The following GCNT2 variants were observed in gnomAD, a reference collection of about 807,000 sequenced individuals.
GCNT2 encodes N-acetyllactosaminide beta-1,6-N-acetylglucosaminyl-transferase.
Under a neutral mutation model 34.2 loss-of-function variants are expected in GCNT2, and 34 were observed. The ratio of observed to expected loss-of-function variants is 1.00; its 90% CI spans 0.76 to 1.32. The LOEUF (loss-of-function observed/expected upper bound fraction) is 1.32. GCNT2 is among the 40% of genes most tolerant of loss of function. The probability of loss-of-function intolerance (pLI) is 0.00; values close to 1 mark genes in which losing one functional copy is unlikely to be tolerated. For missense variants in GCNT2, 584 were observed against 489.4 expected (o/e 1.19, Z -1.82); for synonymous variants, 212 against 188.0 (o/e 1.13, Z -1.04).
Position 10,529,703 on chromosome 6 carries a change from G to C in GCNT2, c.792G>C (p.Thr264=). Residue 264 remains threonine, a synonymous_variant, in exon 3 of 5, where the codon ACG becomes ACC. Transcript: ENST00000495262. ...PPHDMVIYFG[T]AYVALTRDFA... The stretch of plus-strand genomic sequence containing the variant: ...ATGACATGGTGATTTACTTTGGCAC[G>C]GCCTACGTGGCTCTCACAAGGGACT... 2 of 1,613,902 alleles carry C rather than the reference G, an allele frequency of 1.2e-6. No homozygotes were observed. Among genetic ancestry groups the C allele is most frequent in the Non-Finnish European group, 1.7e-6 (2 of 1,179,962 alleles).
chr6:10,574,279 C>T (rs574734835), intron 3 of GCNT2, among the ~76,000 whole-genome samples: 3 of 152,258 alleles, frequency 2.0e-5, no homozygotes, highest in South Asian at 4.2e-4. Context: ...AAACCAGTTT[C>T]GGTGGGCATC....
intron 3 of GCNT2, among the ~76,000 whole-genome samples, chr6:10,615,548 A>G (rs1006818674): frequency 5.3e-5 from 8 of 152,238 alleles, no homozygotes; most frequent in Admixed American, 1.3e-4. Context: ...TCCTGGATTC[A>G]AGAGATCTAC....
intron 3 of GCNT2, among the ~76,000 whole-genome samples, chr6:10,552,486 T>C (rs1422537170): frequency 1.3e-5 from 2 of 151,732 alleles, no homozygotes; most frequent in Non-Finnish European, 2.9e-5. Flanking sequence ...ACTGAATATG[T>C]ACAGGCTTTT....
At position 10,529,831 on chromosome 6, in the gene GCNT2, T is replaced by A. The variant is rs1761395799; in HGVS notation, c.920T>A (p.Ile307Asn). ...DEHFWVTLNRIPGVPGSMPNA... is the reference protein window; with the variant it reads ...DEHFWVTLNRNPGVPGSMPNA... ...CATTTCTGGGTGACACTCAACAGGA[T>A]TCCCGGTATGTACGTCTCTTAACTT... The change falls in exon 3 of 5, where the codon ATT (isoleucine) becomes AAT (asparagine). Residue 307 changes from isoleucine to asparagine, a missense_variant. Ile to Asn is a moderately radical substitution (Grantham distance 149). Coordinates refer to ENST00000495262, the MANE Select transcript of GCNT2 (RefSeq NM_145649.5). 3 of 1,611,552 alleles carry A rather than the reference T, an allele frequency of 1.9e-6. No homozygotes were observed. The South Asian group carries it at 3.3e-5, about 18-fold the overall frequency.
At chr6:10,545,751 CA>C (rs1762238913) in intron 3 of GCNT2, among the ~76,000 whole-genome samples, 1 of 152,116 alleles carries the variant, frequency 6.6e-6, no homozygotes. Flanking sequence ...GTGAATCAGG[CA>C]AAAGCCAGCA....
intron 3 of GCNT2, among the ~76,000 whole-genome samples, chr6:10,561,232 G>A (rs193153426): frequency 1.6e-3 from 237 of 152,106 alleles, no homozygotes; most frequent in Admixed American, 8.8e-3. Context: ...GCACGATCTT[G>A]GCTCACCGCA....
chr6:10,601,945 A>G (rs1581469882), intron 3 of GCNT2, among the ~76,000 whole-genome samples: 1 of 16,144 alleles, frequency 6.2e-5, no homozygotes, highest in Non-Finnish European at 1.3e-4. Context: ...CATCTCAAGA[A>G]AAAAAAAAAA....
In GCNT2 at chr6:10,605,208, A is replaced by ATTTTTTTTT. The variant is rs869167781; in HGVS notation, c.926-16126_926-16118dup. ...AACCACATATTGCTTTCATGTAGGA[A>ATTTTTTTTT]TTTTTTTTTTTTTTTTTTTTTTTTT... On this transcript the variant is annotated intron_variant, in intron 3 of 4. Transcript: ENST00000495262. Among the ~76,000 whole-genome samples the ATTTTTTTTT allele has an allele frequency of 6.4e-5, 6 of 94,202 alleles. 1 individual carries two copies. The highest frequency in any genetic ancestry group is 2.7e-4 in the African/African-American group (6 of 22,556). 61.8% of individuals were successfully genotyped at this position (94,202 alleles called of 152,430 possible).
chr6:10,566,023 C>T (rs1298943702), intron 3 of GCNT2, among the ~76,000 whole-genome samples: 1 of 152,170 alleles, frequency 6.6e-6, no homozygotes, highest in African/African-American at 2.4e-5. Flanking sequence ...ATCTGGCCCC[C>T]TTGGCCTTTC....
chr6:10,587,759 A>G (rs1170419550), intron 3 of GCNT2, among the ~76,000 whole-genome samples: 1 of 152,176 alleles, frequency 6.6e-6, no homozygotes. Flanking sequence ...TCTGTTTCCC[A>G]TAGGTGGTCT....
At chr6:10,559,220 C>T (rs1226963399) in intron 3 of GCNT2, among the ~76,000 whole-genome samples, 5 of 151,810 alleles carry the variant, frequency 3.3e-5, no homozygotes, top group Admixed American at 2.6e-4. Flanking sequence ...TTTTTCCTTA[C>T]CCCTTTCTGA....
rs532224382 is a variant in GCNT2 at position 10,582,388 on chromosome 6, T to A, written c.926-38963T>A. On this transcript the variant is annotated intron_variant, in intron 3 of 4. Transcript: ENST00000495262. ...AATATATACTATAATTTAATATTTA[T>A]TATATACTATAATAAATAGTATAAT... Among the ~76,000 whole-genome samples the A allele has an allele frequency of 2.4e-4, 29 of 120,394 alleles. 1 individual carries two copies. The highest frequency in any genetic ancestry group is 1.0e-3 in the African/African-American group (29 of 28,698). 79.0% of individuals were successfully genotyped at this position (120,394 alleles called of 152,430 possible). A position where few individuals can be genotyped will look rare whatever the true frequency, so the allele number is the denominator to read the frequency against.
intron 3 of GCNT2, among the ~76,000 whole-genome samples, chr6:10,550,571 G>A (rs553264819): frequency 3.0e-4 from 45 of 152,162 alleles, no homozygotes; most frequent in Non-Finnish European, 4.4e-4. Flanking sequence ...GCTTACCGCA[G>A]CCTTAACCTG....
intron 3 of GCNT2, among the ~76,000 whole-genome samples, chr6:10,567,155 C>CA (rs1561805516): frequency 2.2e-4 from 34 of 151,992 alleles, no homozygotes. Context: ...CACATCTCAA[C>CA]AAAAAAATAA....
chr6:10,603,497 G>GTTT, intron 3 of GCNT2, among the ~76,000 whole-genome samples: 1 of 152,284 alleles, frequency 6.6e-6, no homozygotes, highest in South Asian at 2.1e-4. Context: ...AGACAGGGGA[G>GTTT]GGAAAGACAT....
chr6:10,535,421 T>C (rs1457842411), intron 3 of GCNT2, among the ~76,000 whole-genome samples: 1 of 152,234 alleles, frequency 6.6e-6, no homozygotes, highest in Non-Finnish European at 1.5e-5. Context: ...ACCCTTAATC[T>C]GGTCCACAAC....
chr6:10,547,069 C>T (rs1309369238), intron 3 of GCNT2, among the ~76,000 whole-genome samples: 1 of 152,176 alleles, frequency 6.6e-6, no homozygotes, highest in Non-Finnish European at 1.5e-5. Context: ...ACTTACTATA[C>T]TTAACAAGAA....
intron 3 of GCNT2, among the ~76,000 whole-genome samples, chr6:10,559,587 G>T (rs970508728): frequency 6.6e-6 from 1 of 152,206 alleles, no homozygotes; most frequent in South Asian, 2.1e-4. Context: ...CGCTGCTAGT[G>T]GGAATCTATA....
intron 3 of GCNT2, among the ~76,000 whole-genome samples, chr6:10,539,206 T>TTTTTTTTTTGG (rs1491477004): frequency 1.5e-5 from 2 of 136,100 alleles, no homozygotes; most frequent in East Asian, 2.0e-4. Flanking sequence ...TTTTTTTTTT[T>TTTTTTTTTTGG]GAGGCAGAGT....
Sources: gnomAD v4.1 joint callset for allele counts (sites outside exome capture counted in the v4.1 genomes callset) on GRCh38, gnomAD v4.1.1 for gene constraint, MANE v1.5 for transcripts, NCBI Gene and HGNC (gene_info 2026-07-23, HGNC 2026-07-21) for gene names.